HDGFL3: variants seen among roughly 807,000 people sequenced by gnomAD.
The protein encoded by HDGFL3 is hepatoma-derived growth factor-related protein 3.
HDGFL3 carries 6 observed loss-of-function variants against 27.6 expected under a neutral mutation model. That is an observed-to-expected ratio of 0.22 (90% CI 0.12 to 0.43). The LOEUF is 0.43. HDGFL3 is among the 20% of genes least tolerant of loss of function. The probability of loss-of-function intolerance (pLI) is 1.00; values close to 1 mark genes in which losing one functional copy is unlikely to be tolerated. For synonymous variants in HDGFL3, 88 were observed against 88.9 expected (o/e 0.99, Z 0.05); for missense variants, 207 against 250.1 (o/e 0.83, Z 1.16).
chr15:83,143,779 G>C (rs555026240), intron 5 of HDGFL3, among the ~76,000 whole-genome samples: 1 of 152,138 alleles, frequency 6.6e-6, no homozygotes, highest in Admixed American at 6.5e-5. Context: ...TAGAAAGAAC[G>C]GGTTCAGGGT....
At chr15:83,204,212 T>TTA (rs1311023236) in intron 1 of HDGFL3, among the ~76,000 whole-genome samples, 4 of 151,652 alleles carry the variant, frequency 2.6e-5, no homozygotes, top group Admixed American at 6.6e-5. Context: ...TCACATATAC[T>TTA]TATATATATC....
intron 1 of HDGFL3, among the ~76,000 whole-genome samples, chr15:83,172,273 C>T (rs1046214652): frequency 1.1e-4 from 16 of 152,162 alleles, no homozygotes; most frequent in African/African-American, 3.9e-4. Flanking sequence ...TAACGATACA[C>T]CAAGAATGCC....
At chr15:83,186,568 A>G (rs954292831) in intron 1 of HDGFL3, among the ~76,000 whole-genome samples, 4 of 152,244 alleles carry the variant, frequency 2.6e-5, no homozygotes, top group South Asian at 2.1e-4. Flanking sequence ...TTCTGAAATA[A>G]TATCTTCTAC....
chr15:83,127,501 A>T (rs1286689335), downstream of HDGFL3: 12 of 1,611,824 alleles, frequency 7.4e-6, no homozygotes, highest in Non-Finnish European at 1.0e-5. Context: ...TCTGTTGAGA[A>T]GGTTTACTTG....
intron 1 of HDGFL3, among the ~76,000 whole-genome samples, chr15:83,186,963 A>G (rs2151418423): frequency 6.6e-6 from 1 of 152,288 alleles, no homozygotes; most frequent in Non-Finnish European, 1.5e-5. Context: ...CAATATTAGC[A>G]TTCTCCATCT....
intron 4 of HDGFL3, among the ~76,000 whole-genome samples, chr15:83,154,019 T>C (rs914651409): frequency 2.6e-5 from 4 of 151,628 alleles, no homozygotes; most frequent in South Asian, 2.1e-4. Context: ...TCTTAAGAAA[T>C]AGACATAAAA....
intron 2 of HDGFL3, among the ~76,000 whole-genome samples, chr15:83,160,331 C>A (rs192704860): frequency 6.6e-6 from 1 of 151,974 alleles, no homozygotes; most frequent in Non-Finnish European, 1.5e-5. Flanking sequence ...GGATTATAGG[C>A]ACATGCCACC....
At chr15:83,116,437 TG>T (rs1057427670) in intron 3 of HDGFL3, among the ~76,000 whole-genome samples, 2 of 152,192 alleles carry the variant, frequency 1.3e-5, no homozygotes, top group Non-Finnish European at 2.9e-5. Context: ...TCTTATTTTA[TG>T]GTGGGCTGAA....
intron 5 of HDGFL3, among the ~76,000 whole-genome samples, chr15:83,149,542 A>T (rs181341998): frequency 3.3e-4 from 50 of 152,304 alleles, no homozygotes; most frequent in African/African-American, 1.2e-3. Flanking sequence ...AGGAGGAGAA[A>T]TGTCTGATAG....
At chr15:83,169,836 A>G (rs1293781314) in intron 1 of HDGFL3, among the ~76,000 whole-genome samples, 1 of 152,132 alleles carries the variant, frequency 6.6e-6, no homozygotes, top group Non-Finnish European at 1.5e-5. Context: ...GACTTTGTCA[A>G]AAGGCTCCTG....
chr15:83,160,191 G>GTTT (rs776088047), intron 2 of HDGFL3, among the ~76,000 whole-genome samples: 2 of 143,658 alleles, frequency 1.4e-5, no homozygotes, highest in South Asian at 2.2e-4. Flanking sequence ...TATCTCTAAG[G>GTTT]TTTTTTTTTT....
chr15:83,177,751 G>A (rs1473094038), intron 1 of HDGFL3, among the ~76,000 whole-genome samples: 1 of 151,990 alleles, frequency 6.6e-6, no homozygotes, highest in Non-Finnish European at 1.5e-5. Context: ...TGCACTTTAG[G>A]AAGATATAGA....
chr15:83,156,262 C>T (rs968320531), intron 4 of HDGFL3, among the ~76,000 whole-genome samples: 1 of 152,184 alleles, frequency 6.6e-6, no homozygotes, highest in African/African-American at 2.4e-5. Flanking sequence ...ATAAACTACA[C>T]GTTTTCAGAA....
chr15:83,135,781 G>A lies in HDGFL3; in HGVS notation c.*3489C>T, dbSNP rs1332890113. On this transcript the variant is annotated 3_prime_UTR_variant, in exon 6 of 6. Coordinates refer to ENST00000299633, the MANE Select transcript of HDGFL3 (RefSeq NM_016073.4). ...AATTATAATTTGATTTAAAAAGGTTGCCTGCATGTACATTTGCCATTTTAC... is the reference window on the plus strand; with the variant it reads ...AATTATAATTTGATTTAAAAAGGTTACCTGCATGTACATTTGCCATTTTAC... The A allele has an allele frequency of 6.6e-6, 1 of 152,194 alleles. No homozygotes were observed. Among genetic ancestry groups the A allele is most frequent in the Non-Finnish European group, 1.5e-5 (1 of 68,042 alleles). 9.4% of individuals were successfully genotyped at this position (152,194 alleles called of 1,614,324 possible). A position where few individuals can be genotyped will look rare whatever the true frequency, so the allele number is the denominator to read the frequency against.
At chr15:83,182,236 T>C (rs1051785974) in intron 1 of HDGFL3, among the ~76,000 whole-genome samples, 2 of 152,090 alleles carry the variant, frequency 1.3e-5, no homozygotes, top group African/African-American at 4.8e-5. Flanking sequence ...GCTTTATGTA[T>C]TTACTTTAAA....
intron 5 of HDGFL3, among the ~76,000 whole-genome samples, chr15:83,139,835 T>C (rs2036732284): frequency 6.6e-6 from 1 of 152,220 alleles, no homozygotes; most frequent in South Asian, 2.1e-4. Context: ...TAGATTTCTT[T>C]TAAAATTTAG....
chr15:83,163,679 A>G, intron 2 of HDGFL3: 1 of 229,350 alleles, frequency 4.4e-6, no homozygotes, highest in South Asian at 8.1e-5. Context: ...AGGGAAATAT[A>G]TAAGAGCAAT....
At chr15:83,152,530 GTC>G (rs1242436219) in intron 4 of HDGFL3, among the ~76,000 whole-genome samples, 2 of 151,902 alleles carry the variant, frequency 1.3e-5, no homozygotes, top group South Asian at 4.1e-4. Flanking sequence ...GTGAAACCCT[GTC>G]TCTACTAAAA....
At chr15:83,177,704 T>A (rs1384440656) in intron 1 of HDGFL3, among the ~76,000 whole-genome samples, 1 of 152,222 alleles carries the variant, frequency 6.6e-6, no homozygotes, top group Non-Finnish European at 1.5e-5. Flanking sequence ...TGTGTGTATC[T>A]GCTTTTAATT....
Sources: gnomAD v4.1 joint callset for allele counts (sites outside exome capture counted in the v4.1 genomes callset) on GRCh38, gnomAD v4.1.1 for gene constraint, MANE v1.5 for transcripts, NCBI Gene and HGNC (gene_info 2026-07-23, HGNC 2026-07-21) for gene names.